Variants in RAPGEF6 observed in about 807,000 individuals in gnomAD.
RAPGEF6 encodes Rap guanine nucleotide exchange factor 6.
RAPGEF6 carries 56 observed loss-of-function variants against 171.4 expected under a neutral mutation model. The ratio of observed to expected loss-of-function variants is 0.33; its 90% confidence interval spans 0.26 to 0.41. RAPGEF6 has a LOEUF of 0.41. Among genes scored for constraint, RAPGEF6 ranks in the 10% least tolerant of loss-of-function variants. The pLI is 1.00. For missense variants in RAPGEF6, 1,674 were observed against 1,921.4 expected, an observed-to-expected ratio of 0.87 and a Z score of 2.41; for synonymous variants, 692 against 650.1, an observed-to-expected ratio of 1.06 and a Z score of -0.98.
intron 18 of RAPGEF6, among the ~76,000 whole-genome samples, 189 bp from the exon 19 acceptor site, chr5:131,462,277 A>G (rs762679747): frequency 1.1e-4 from 16 of 152,224 alleles, no homozygotes; most frequent in Non-Finnish European, 1.9e-4. Flanking sequence ...CTCTTATTCT[A>G]CCAACTGGCA....
At chr5:131,494,402 A>AT (rs1467413181) in intron 13 of RAPGEF6, among the ~76,000 whole-genome samples, 6 of 152,226 alleles carry the variant, frequency 3.9e-5, no homozygotes, top group Non-Finnish European at 8.8e-5. Flanking sequence ...GGTGCTGTAC[A>AT]TTTAGAACAG....
chr5:131,574,735 C>T (rs759480516), intron 4 of RAPGEF6, among the ~76,000 whole-genome samples: 8 of 152,134 alleles, frequency 5.3e-5, no homozygotes, highest in South Asian at 2.1e-4. Context: ...ATCCTCCTCT[C>T]GTGTCTCCCT....
chr5:131,446,086 T>C (rs189718106), intron 22 of RAPGEF6, among the ~76,000 whole-genome samples: 5 of 152,302 alleles, frequency 3.3e-5, no homozygotes, highest in African/African-American at 1.2e-4. Context: ...GTAAGCTACC[T>C]ATTATCACTG....
In RAPGEF6 at chr5:131,479,535, T is replaced by A; in HGVS notation, c.2059A>T (p.Ile687Phe). 2 of 1,614,032 alleles carry A rather than the reference T, an allele frequency of 1.2e-6. No individual in the cohort carries two copies. The highest frequency in any genetic ancestry group is 1.7e-6 in the Non-Finnish European group (2 of 1,179,962). Residue 687 changes from isoleucine to phenylalanine, a missense_variant, in exon 16 of 28, where the codon ATC becomes TTC. By Grantham distance (21) the Ile-to-Phe change is conservative (BLOSUM62 0). Around this residue, in one of 3 missense-constraint regions of RAPGEF6, gnomAD observed 1,116 missense variants for 1,321.5 expected, o/e 0.84. Transcript: ENST00000509018. ...RKILDKTRFS[I>F]LPPKLFSDGG... ...TACCTAAATAGCTTTGGAGGCAAGA[T>A]ACTAAATCGTGTTTTATCCAAAATC...
intron 1 of RAPGEF6, among the ~76,000 whole-genome samples, chr5:131,615,573 T>C (rs1765214069): frequency 1.3e-5 from 2 of 152,170 alleles, no homozygotes; most frequent in African/African-American, 4.8e-5. Flanking sequence ...TCATTTACGC[T>C]GAATGCACTT....
intron 21 of RAPGEF6, among the ~76,000 whole-genome samples, chr5:131,450,282 A>G (rs1448380280): frequency 1.3e-5 from 2 of 152,224 alleles, no homozygotes; most frequent in Non-Finnish European, 2.9e-5. Context: ...GCTTTAGACC[A>G]ATTATATTTT....
chr5:131,618,569 C>T (rs1328295464), intron 1 of RAPGEF6, among the ~76,000 whole-genome samples: 1 of 151,862 alleles, frequency 6.6e-6, no homozygotes, highest in African/African-American at 2.4e-5. Flanking sequence ...ACCTGGGAGG[C>T]AGAGGCTGCA....
intron 7 of RAPGEF6, among the ~76,000 whole-genome samples, chr5:131,519,799 CT>C (rs987727323): frequency 6.6e-6 from 1 of 152,184 alleles, no homozygotes; most frequent in African/African-American, 2.4e-5. Context: ...GTGTTTTCTT[CT>C]GGAAAAACAC....
rs765464848 is a variant in RAPGEF6 at position 131,464,372 on chromosome 5, G to C, written c.2240-91C>G. The C allele has an allele frequency of 7.1e-5, 65 of 912,012 alleles. 1 individual carries two copies. Among genetic ancestry groups the C allele is most frequent in the South Asian group, 6.2e-4 (44 of 70,766 alleles). 56.5% of individuals were successfully genotyped at this position (912,012 alleles called of 1,614,324 possible). A position where few individuals can be genotyped will look rare whatever the true frequency, so the allele number is the denominator to read the frequency against. On this transcript the variant is annotated intron_variant, in intron 17 of 27. Coordinates refer to ENST00000509018, the MANE Select transcript of RAPGEF6 (RefSeq NM_016340.6). Reference sequence around the variant, plus strand: ...CAACGTGAAACACAGTGATCCCTCTGAACACTGAAATATACATTTCTATTT... The same window carrying C: ...CAACGTGAAACACAGTGATCCCTCTCAACACTGAAATATACATTTCTATTT...
chr5:131,479,446 C>G lies in RAPGEF6; in HGVS notation c.2081+67G>C, dbSNP rs1473291885. On this transcript the variant is annotated intron_variant, in intron 16 of 27. Coordinates refer to ENST00000509018, the MANE Select transcript of RAPGEF6 (RefSeq NM_016340.6). ...AAGCAAAACTTACCCAAGCCTCCCC[C>G]CACCCCAAATAAAAACTTTACAGTG... The G allele has an allele frequency of 1.1e-5, 17 of 1,566,440 alleles. No homozygotes were observed. The East Asian group carries it at 3.6e-4, about 33-fold the overall frequency.
intron 2 of RAPGEF6, 98 bp downstream of exon 2, chr5:131,604,525 A>T (rs1208569090): frequency 7.3e-7 from 1 of 1,366,062 alleles, no homozygotes; most frequent in Non-Finnish European, 1.0e-6. Flanking sequence ...CCAAGGGCTT[A>T]AAACAATAAG....
intron 21 of RAPGEF6, among the ~76,000 whole-genome samples, chr5:131,448,575 A>C (rs1194224341): frequency 2.0e-5 from 3 of 152,328 alleles, no homozygotes; most frequent in African/African-American, 7.2e-5. Flanking sequence ...ATATTTAATG[A>C]TTTTTATCTT....
intron 6 of RAPGEF6, among the ~76,000 whole-genome samples, chr5:131,544,711 C>G (rs1389300657): frequency 3.3e-5 from 5 of 152,128 alleles, no homozygotes; most frequent in African/African-American, 1.2e-4. Context: ...GAGACGGAGT[C>G]TCACTCTATA....
chr5:131,580,957 G>A (rs1762925491), intron 4 of RAPGEF6, among the ~76,000 whole-genome samples: 1 of 152,186 alleles, frequency 6.6e-6, no homozygotes, highest in Non-Finnish European at 1.5e-5. Context: ...GACAAAAAGA[G>A]TCATCCCAGT....
intron 2 of RAPGEF6, among the ~76,000 whole-genome samples, chr5:131,604,226 G>A (rs553617631): frequency 6.6e-6 from 1 of 152,178 alleles, no homozygotes; most frequent in African/African-American, 2.4e-5. Context: ...AAGATAACAG[G>A]AGTTTTGTCT....
At chr5:131,504,376 C>A (rs965478132) in intron 11 of RAPGEF6, among the ~76,000 whole-genome samples, 1 of 151,834 alleles carries the variant, frequency 6.6e-6, no homozygotes, top group South Asian at 2.1e-4. Flanking sequence ...GCAGGAGAAT[C>A]GCTTGAACCT....
intron 4 of RAPGEF6, among the ~76,000 whole-genome samples, chr5:131,590,134 C>G (rs1269685373): frequency 3.3e-5 from 5 of 152,152 alleles, no homozygotes; most frequent in Non-Finnish European, 7.3e-5. Flanking sequence ...GGTACAGTGG[C>G]TCATGTCTGT....
chr5:131,446,061 TTAC>T (rs1047184032), intron 22 of RAPGEF6, among the ~76,000 whole-genome samples: 11 of 152,266 alleles, frequency 7.2e-5, no homozygotes, highest in African/African-American at 2.4e-4. Context: ...TTGTTTTACC[TTAC>T]TACTGGCACC....
rs879516528 is a variant in RAPGEF6, at chr5:131,442,338, T to G, written c.3610+11A>C. 6.2e-6 allele frequency: 10 copies of G among 1,601,774 alleles called. No individual in the cohort carries two copies. The highest frequency in any genetic ancestry group is 8.5e-6 in the Non-Finnish European group (10 of 1,173,482). On this transcript the variant is annotated intron_variant, in intron 23 of 27. Coordinates refer to ENST00000509018, the MANE Select transcript of RAPGEF6 (RefSeq NM_016340.6). The stretch of plus-strand genomic sequence containing the variant: ...AGGTAAACGGATGTAATATTAATGG[T>G]GAATACTCACTCAGTGCAGGGTCTT...
Sources: allele counts gnomAD v4.1 joint callset (sites outside exome capture counted in the v4.1 genomes callset), GRCh38; gene constraint gnomAD v4.1.1; regional missense constraint gnomAD v4.1.1; transcripts MANE v1.5; gene names NCBI Gene and HGNC (gene_info 2026-07-23, HGNC 2026-07-21).